CACNA1D: variants seen among roughly 807,000 people sequenced by gnomAD.
CACNA1D encodes calcium voltage-gated channel subunit alpha1 D.
CACNA1D carries 55 observed loss-of-function variants against 257.1 expected under a neutral mutation model. The observed-to-expected ratio is 0.21, with a 90% CI of 0.17 to 0.27. CACNA1D has a LOEUF of 0.27. CACNA1D is among the 10% of genes least tolerant of loss of function. The pLI, the probability that CACNA1D is intolerant of heterozygous loss-of-function variation, is 1.00. For missense variants in CACNA1D, 1,876 were observed against 2,784.0 expected, an observed-to-expected ratio of 0.67 and a Z score of 7.34; for synonymous variants, 980 against 1,014.9, an observed-to-expected ratio of 0.97 and a Z score of 0.65.
intron 2 of CACNA1D, 41 bp from the exon 3 acceptor site, chr3:53,501,574 A>G (rs748538909): frequency 2.9e-6 from 3 of 1,035,124 alleles, no homozygotes; most frequent in Admixed American, 3.4e-5. Context: ...GACATGGTTT[A>G]TGTTTCCATA....
At chr3:53,752,010 T>C in intron 28 of CACNA1D, 103 bp downstream of exon 28, 2 of 1,139,950 alleles carry the variant, frequency 1.8e-6, no homozygotes, top group Non-Finnish European at 2.7e-6. Flanking sequence ...AGGGGTTTGA[T>C]TTTTCTGATG....
intron 47 of CACNA1D, among the ~76,000 whole-genome samples, chr3:53,810,814 CATAA>C (rs1260454355): frequency 1.7e-4 from 24 of 144,392 alleles, no homozygotes; most frequent in Non-Finnish European, 2.7e-4. Flanking sequence ...CGTCAATTCT[CATAA>C]ATGAGCTGTG....
chr3:53,740,598 G>GTT (rs57900500), intron 21 of CACNA1D: 425 of 329,898 alleles, frequency 1.3e-3, no homozygotes, highest in Middle Eastern at 3.4e-3. Context: ...GTTGAGCTAA[G>GTT]TTTTTTTTTT....
chr3:53,797,019 T>A (rs1010899879), intron 40 of CACNA1D, among the ~76,000 whole-genome samples: 8 of 152,176 alleles, frequency 5.3e-5, no homozygotes, highest in African/African-American at 1.9e-4. Context: ...GACACAGATA[T>A]GAGATATGAA....
At chr3:53,518,440 T>G (rs1046804221) in intron 3 of CACNA1D, among the ~76,000 whole-genome samples, 2 of 152,166 alleles carry the variant, frequency 1.3e-5, no homozygotes, top group Non-Finnish European at 2.9e-5. Context: ...TTGCCTGTTT[T>G]CCTAATAGGT....
intron 29 of CACNA1D, among the ~76,000 whole-genome samples, chr3:53,756,550 A>G (rs567576363): frequency 2.0e-5 from 3 of 152,362 alleles, no homozygotes; most frequent in African/African-American, 4.8e-5. Flanking sequence ...CCGAAGGGAA[A>G]GTTCACCAGC....
intron 3 of CACNA1D, among the ~76,000 whole-genome samples, chr3:53,617,408 C>G (rs1194492231): frequency 6.6e-6 from 1 of 152,126 alleles, no homozygotes; most frequent in African/African-American, 2.4e-5. Flanking sequence ...CTGTTAAATT[C>G]TTTACCTTCT....
chr3:53,718,480 G>A lies in CACNA1D; in HGVS notation c.1478+92G>A, dbSNP rs530849577. 121 of 1,251,110 alleles carry A rather than the reference G, an allele frequency of 9.7e-5. 1 individual carries two copies. Among genetic ancestry groups the A allele is most frequent in the South Asian group, 5.0e-4 (41 of 81,288 alleles). The allele number at this position is 1,251,110 out of a possible 1,614,324, so 77.5% of individuals were successfully genotyped here. ...ACCGCCCAGGCTGCAGCAGAGCCCC[G>A]GGCCATCGCCTTGGGTGTGGCGGGT... is the stretch of plus-strand genomic sequence containing the variant. On this transcript the variant is annotated intron_variant, in intron 10 of 47. Coordinates refer to ENST00000350061, the MANE Select transcript of CACNA1D (RefSeq NM_001128840.3).
intron 3 of CACNA1D, among the ~76,000 whole-genome samples, chr3:53,574,394 C>T (rs1015200308): frequency 2.6e-5 from 4 of 152,184 alleles, no homozygotes; most frequent in African/African-American, 9.7e-5. Context: ...TTCTCATCAG[C>T]ACCTCGTCAG....
chr3:53,722,802 T>G (rs925633151), intron 12 of CACNA1D, among the ~76,000 whole-genome samples: 2 of 152,184 alleles, frequency 1.3e-5, no homozygotes, highest in Admixed American at 6.5e-5. Flanking sequence ...TCCCCTATAG[T>G]ACTTCTGGCA....
chr3:53,787,654 G>T (rs1347201770), intron 40 of CACNA1D, among the ~76,000 whole-genome samples: 2 of 152,132 alleles, frequency 1.3e-5, no homozygotes. Context: ...TGCATGCGAG[G>T]AATGTAGAAA....
At position 53,751,728 on chromosome 3, in the gene CACNA1D, T is replaced by C. The variant is rs1186866991; in HGVS notation, c.3517-21T>C. On this transcript the variant is annotated intron_variant, in intron 27 of 47. Transcript: ENST00000350061. This position sits in a 1 kb window ranked among gnomAD's most constrained non-coding sequence, Gnocchi z 4.3. Reference sequence around the variant, plus strand: ...CTGCAAGTGCTCAGAACCCCGTTTCTGCCCTTTTCTGCTGTTGCAGCGTCA... The same window carrying C: ...CTGCAAGTGCTCAGAACCCCGTTTCCGCCCTTTTCTGCTGTTGCAGCGTCA... 3 of 1,614,138 alleles carry C rather than the reference T, an allele frequency of 1.9e-6. No individual in the cohort carries two copies. The highest frequency in any genetic ancestry group is 1.3e-5 in the African/African-American group (1 of 75,070).
At chr3:53,674,636 C>A (rs1016925060) in intron 8 of CACNA1D, among the ~76,000 whole-genome samples, 1 of 152,200 alleles carries the variant, frequency 6.6e-6, no homozygotes, top group Non-Finnish European at 1.5e-5. Context: ...ATCCCAGAAC[C>A]CTTGTGGGCA....
In CACNA1D at chr3:53,762,039, C is replaced by A; in HGVS notation, c.3828C>A (p.Ile1276=). The change falls in exon 30 of 48, where the codon ATC becomes ATA. Residue 1276 remains isoleucine, a synonymous_variant. Coordinates refer to ENST00000350061, the MANE Select transcript of CACNA1D (RefSeq NM_001128840.3). ...SDAWNTFDSL[I]VIGSIIDVAL... is the part of the protein sequence containing the mutation. The stretch of plus-strand genomic sequence containing the variant: ...CCTGGAACACGTTTGACTCCCTCAT[C>A]GTAATCGGCAGCATTATAGACGTGG... The A allele has an allele frequency of 6.2e-7, 1 of 1,613,844 alleles. No homozygotes were observed. The highest frequency in any genetic ancestry group is 8.5e-7 in the Non-Finnish European group (1 of 1,179,698).
At chr3:53,650,712 C>T in intron 3 of CACNA1D, 67 bp from the exon 4 acceptor site, 2 of 1,534,804 alleles carry the variant, frequency 1.3e-6, no homozygotes, top group South Asian at 1.1e-5. Context: ...ATCTCTGTTC[C>T]TTTTTCTGTC....
At chr3:53,599,253 A>T (rs2093411234) in intron 3 of CACNA1D, among the ~76,000 whole-genome samples, 1 of 152,208 alleles carries the variant, frequency 6.6e-6, no homozygotes, top group Admixed American at 6.5e-5. Flanking sequence ...ATAAAATGGA[A>T]TCATATCCTA....
At chr3:53,553,994 A>G (rs1013991107) in intron 3 of CACNA1D, among the ~76,000 whole-genome samples, 3 of 151,948 alleles carry the variant, frequency 2.0e-5, no homozygotes, top group Non-Finnish European at 2.9e-5. Context: ...CAGGAGATGG[A>G]GACCATCCTG....
chr3:53,516,133 AAAT>A (rs2091323182), intron 3 of CACNA1D, among the ~76,000 whole-genome samples: 1 of 152,236 alleles, frequency 6.6e-6, no homozygotes, highest in Admixed American at 6.5e-5. Context: ...GAGTCAATAC[AAAT>A]AATGTGCGAG....
At chr3:53,779,339 G>C (rs1399487199) in intron 37 of CACNA1D, among the ~76,000 whole-genome samples, 2 of 152,150 alleles carry the variant, frequency 1.3e-5, no homozygotes, top group East Asian at 3.8e-4. Context: ...TAAGTGGTAG[G>C]TTGTATTAAT....
Sources: gnomAD v4.1 joint callset for allele counts (sites outside exome capture counted in the v4.1 genomes callset) on GRCh38, gnomAD v4.1.1 for gene constraint, Gnocchi (gnomAD v3.1) non-coding constraint, MANE v1.5 for transcripts, NCBI Gene and HGNC (gene_info 2026-07-23, HGNC 2026-07-21) for gene names.